The following ARFGEF1 variants were observed in gnomAD, a reference collection of about 807,000 sequenced individuals.
ARFGEF1 encodes the protein brefeldin A-inhibited guanine nucleotide-exchange protein 1.
A neutral mutation model predicts 231.0 loss-of-function variants in ARFGEF1; 42 were observed. The observed-to-expected ratio is 0.18, with a 90% CI of 0.14 to 0.24. ARFGEF1 has a LOEUF of 0.24. ARFGEF1 is among the 10% of genes least tolerant of loss of function. The pLI is 1.00. For synonymous variants in ARFGEF1, 710 were observed against 732.3 expected, an observed-to-expected ratio of 0.97 and a Z score of 0.49; for missense variants, 1,345 against 2,192.0, an observed-to-expected ratio of 0.61 and a Z score of 7.72.
chr8:67,227,358 T>A (rs369637437), intron 26 of ARFGEF1, 49 bp from the exon 27 acceptor site: 4 of 1,599,870 alleles, frequency 2.5e-6, no homozygotes, highest in Non-Finnish European at 2.6e-6. Flanking sequence ...ATAAAACTCA[T>A]CAGTTTTTCC....
rs192525177 is a variant in ARFGEF1, at chr8:67,186,160, A to T, written c.561-10588T>A. ...TTTTCCATCATTTCATTTCTGTAAC[A>T]GTTGATATCTGGCTGTCCTTTTTAT... On this transcript the variant is annotated intron_variant, in intron 5 of 5. Coordinates refer to the ARFGEF1 transcript ENST00000518789. Among the ~76,000 whole-genome samples, 396 of 152,322 alleles carry T rather than the reference A, an allele frequency of 2.6e-3. 2 individuals are homozygous for T. The highest frequency in any genetic ancestry group is 8.7e-3 in the African/African-American group (360 of 41,558).
intron 7 of ARFGEF1, among the ~76,000 whole-genome samples, chr8:67,286,337 G>C (rs908595140): frequency 5.9e-5 from 9 of 152,168 alleles, no homozygotes; most frequent in African/African-American, 2.2e-4. Flanking sequence ...CTCTAGGTTT[G>C]ATGTTTTTCC....
At chr8:67,179,290 T>A (rs1487675704) in intron 5 of ARFGEF1, among the ~76,000 whole-genome samples, 1 of 152,218 alleles carries the variant, frequency 6.6e-6, no homozygotes, top group East Asian at 1.9e-4. Context: ...ATATCTGTGC[T>A]GCATCATTGT....
At chr8:67,228,819 C>G (rs1025341348) in intron 23 of ARFGEF1, among the ~76,000 whole-genome samples, 6 of 152,040 alleles carry the variant, frequency 3.9e-5, no homozygotes, top group South Asian at 2.1e-4. Context: ...CACTGCCCAG[C>G]TTTGCCCATT....
chr8:67,179,898 A>T, intron 5 of ARFGEF1: 1 of 1,588,630 alleles, frequency 6.3e-7, no homozygotes, highest in Non-Finnish European at 8.6e-7. Flanking sequence ...TGAAAAACTC[A>T]TTATTGGAAT....
intron 34 of ARFGEF1, among the ~76,000 whole-genome samples, chr8:67,208,919 A>G (rs1328471209): frequency 6.6e-6 from 1 of 152,206 alleles, no homozygotes; most frequent in Non-Finnish European, 1.5e-5. Context: ...ACCCACTAGA[A>G]TGGTTATCAT....
intron 1 of ARFGEF1, among the ~76,000 whole-genome samples, chr8:67,333,797 TCACAGTCAAAA>T (rs919817050): frequency 2.6e-5 from 4 of 152,196 alleles, no homozygotes; most frequent in East Asian, 1.9e-4. Context: ...ACGTGATGGG[TCACAGTCAAAA>T]CACAGTCAAA....
At chr8:67,240,438 T>C (rs1839895377) in intron 19 of ARFGEF1, 148 bp from the exon 20 acceptor site, 1 of 694,816 alleles carries the variant, frequency 1.4e-6, no homozygotes, top group African/African-American at 1.8e-5. Flanking sequence ...GGGGGAAAAC[T>C]ATATAATGCT....
In ARFGEF1 at chr8:67,211,345, C is replaced by CAAAA. The variant is rs375793043; in HGVS notation, c.4819+134_4819+137dup. 7.8e-3 allele frequency: 1,918 copies of CAAAA among 246,970 alleles called. 43 individuals carry two copies. Among genetic ancestry groups the CAAAA allele is most frequent in the African/African-American group, 0.052 (1,089 of 20,810 alleles). The allele number at this position is 246,970 out of a possible 1,614,324, so 15.3% of individuals were successfully genotyped here. On this transcript the variant is annotated intron_variant, in intron 34 of 38. Transcript: ENST00000262215. ...TGGGCGACAGAGTGAAACTCCGTCT[C>CAAAA]AAAAAAAAAAAAAAAAAAAAGAAGT...
chr8:67,221,460 C>T (rs1339449606), intron 29 of ARFGEF1, among the ~76,000 whole-genome samples: 1 of 149,630 alleles, frequency 6.7e-6, no homozygotes, highest in Non-Finnish European at 1.5e-5. Flanking sequence ...TAGTTTTTAA[C>T]AAAAAAGTCT....
chr8:67,234,664 G>C (rs537096513), intron 22 of ARFGEF1, among the ~76,000 whole-genome samples: 9 of 152,208 alleles, frequency 5.9e-5, no homozygotes, highest in African/African-American at 2.2e-4. Flanking sequence ...GAAGAGCCTT[G>C]ACCCTTAGGT....
intron 9 of ARFGEF1, among the ~76,000 whole-genome samples, chr8:67,273,589 G>A (rs957433179): frequency 2.0e-5 from 3 of 151,932 alleles, no homozygotes; most frequent in Non-Finnish European, 2.9e-5. Flanking sequence ...TTAATTTCAC[G>A]TAAATGGGTA....
chr8:67,228,268 G>T lies in ARFGEF1; in HGVS notation c.3381-4C>A. On this transcript the variant is annotated splice_region_variant and splice_polypyrimidine_tract_variant and intron_variant, in intron 23 of 38. Coordinates refer to ENST00000262215, the MANE Select transcript of ARFGEF1 (RefSeq NM_006421.5). Reference sequence around the variant, plus strand: ...CCTTGTAGATCCTGTGAATATTCTAGGGAAAATAAAACACAATTTAAAAAA... The same window carrying T: ...CCTTGTAGATCCTGTGAATATTCTATGGAAAATAAAACACAATTTAAAAAA... 1 of 1,605,780 alleles carries T rather than the reference G, an allele frequency of 6.2e-7. No individual in the cohort carries two copies. The highest frequency in any genetic ancestry group is 8.5e-7 in the Non-Finnish European group (1 of 1,175,290).
chr8:67,227,339 T>G, intron 26 of ARFGEF1, 30 bp from the exon 27 acceptor site: 2 of 1,603,336 alleles, frequency 1.2e-6, no homozygotes, highest in South Asian at 1.1e-5. Context: ...TGCTTGGATA[T>G]GCAAACCGAT....
chr8:67,339,165 T>G (rs1275076052), intron 1 of ARFGEF1, among the ~76,000 whole-genome samples: 1 of 152,204 alleles, frequency 6.6e-6, no homozygotes, highest in African/African-American at 2.4e-5. Flanking sequence ...TATAATATGA[T>G]GAACAATATA....
Position 67,226,132 on chromosome 8 carries a change from G to A in ARFGEF1, c.3968C>T (p.Ala1323Val). 1 of 1,612,756 alleles carries A rather than the reference G, an allele frequency of 6.2e-7. No individual in the cohort carries two copies. The highest frequency in any genetic ancestry group is 8.5e-7 in the Non-Finnish European group (1 of 1,179,282). ...FPATIDSFQD[A>V]VKCLSEFACN... is the part of the protein sequence containing the mutation. ...CGCAAATTCAGACAAACACTTCACT[G>A]CATCCTGGAAAGAATCAATGGTCGC... Residue 1323 changes from alanine (A) to valine (V), a missense_variant, in exon 28 of 39, where the codon GCA (alanine) becomes GTA (valine). Physicochemically the swap from Ala to Val is moderately conservative, Grantham distance 64 (BLOSUM62 0). This residue lies in a region of ARFGEF1 where 142 missense variants were observed against 227.3 expected (regional missense o/e 0.62). Transcript: ENST00000262215.
rs34333039 is a variant in ARFGEF1 at position 67,244,242 on chromosome 8, CAAAAAAAAAAAAA to C, written c.2851-3965_2851-3953del. The stretch of plus-strand genomic sequence containing the variant: ...TGGGCGACAAAGCGAGACTCCACCT[CAAAAAAAAAAAAA>C]AAAAAAAAAAAAACATTCGACTACT... On this transcript the variant is annotated intron_variant, in intron 19 of 38. Transcript: ENST00000262215. 0.023 allele frequency among the ~76,000 whole-genome samples: 469 copies of C among 20,094 alleles called. 39 individuals carry two copies. In the South Asian group the frequency reaches 0.27, roughly 11 times the overall value. 13.2% of individuals were successfully genotyped at this position (20,094 alleles called of 152,430 possible).
Position 67,203,132 on chromosome 8 carries a change from T to G in ARFGEF1, c.5079A>C (p.Ala1693=), listed in dbSNP as rs143679157. The change falls in exon 36 of 39, where the codon GCA becomes GCC. Residue 1693 remains alanine, a synonymous_variant. Coordinates refer to ENST00000262215, the MANE Select transcript of ARFGEF1 (RefSeq NM_006421.5). ...LDCLLESHRF[A]KAFNSNNEQR... ...GTTCGTTGTTGGAATTAAACGCTTTTGCAAATCTATGTGACTCTAATAAGC... is the reference window on the plus strand; with the variant it reads ...GTTCGTTGTTGGAATTAAACGCTTTGGCAAATCTATGTGACTCTAATAAGC... 19 of 1,613,994 alleles carry G rather than the reference T, an allele frequency of 1.2e-5. No homozygotes were observed. In the African/African-American group the frequency reaches 2.1e-4, roughly 18 times the overall value.
chr8:67,227,081 G>A (rs1243457581), intron 27 of ARFGEF1, 56 bp downstream of exon 27: 15 of 1,483,602 alleles, frequency 1.0e-5, no homozygotes, highest in East Asian at 2.3e-5. Flanking sequence ...TTCTGAACAC[G>A]TTAAGGTTGC....
Sources: allele counts gnomAD v4.1 joint callset (sites outside exome capture counted in the v4.1 genomes callset), GRCh38; gene constraint gnomAD v4.1.1; regional missense constraint gnomAD v4.1.1; transcripts MANE v1.5; gene names NCBI Gene and HGNC (gene_info 2026-07-23, HGNC 2026-07-21).